The following PLXNC1 variants were observed in gnomAD, a reference collection of about 807,000 sequenced individuals.
PLXNC1 encodes the protein plexin-C1.
A neutral mutation model predicts 178.2 loss-of-function variants in PLXNC1; 75 were observed. That is an observed-to-expected ratio of 0.42 (90% CI 0.35 to 0.51). The LOEUF (loss-of-function observed/expected upper bound fraction) is 0.51. Ranked by LOEUF, PLXNC1 falls within the 20% of genes least tolerant of loss-of-function variation. PLXNC1 has a pLI of 0.02. For missense variants in PLXNC1, 1,503 were observed against 1,984.4 expected, an observed-to-expected ratio of 0.76 and a Z score of 4.61; for synonymous variants, 790 against 779.9, an observed-to-expected ratio of 1.01 and a Z score of -0.22.
At chr12:94,275,431 A>C (rs928599871) in intron 21 of PLXNC1, among the ~76,000 whole-genome samples, 1 of 152,144 alleles carries the variant, frequency 6.6e-6, no homozygotes, top group African/African-American at 2.4e-5. Context: ...CTGTGATGTC[A>C]CGCTGTCTGA....
chr12:94,238,912 A>G (rs1964309032), intron 10 of PLXNC1, among the ~76,000 whole-genome samples: 1 of 152,196 alleles, frequency 6.6e-6, no homozygotes, highest in Non-Finnish European at 1.5e-5. Flanking sequence ...TCTATGCAAC[A>G]TAGGTTTTTT....
intron 2 of PLXNC1, among the ~76,000 whole-genome samples, chr12:94,171,301 C>T (rs775708933): frequency 1.3e-5 from 2 of 152,200 alleles, no homozygotes; most frequent in Admixed American, 6.5e-5. Context: ...CATTCAGAAG[C>T]CACCTGTGTG....
intron 5 of PLXNC1, among the ~76,000 whole-genome samples, chr12:94,216,337 ATAATG>A (rs1208419845): frequency 2.0e-5 from 3 of 152,120 alleles, no homozygotes; most frequent in Non-Finnish European, 4.4e-5. Flanking sequence ...AATATTCATC[ATAATG>A]TAATAACACT....
At chr12:94,252,709 T>C (rs1161268531) in intron 15 of PLXNC1, among the ~76,000 whole-genome samples, 1 of 152,214 alleles carries the variant, frequency 6.6e-6, no homozygotes, top group Non-Finnish European at 1.5e-5. Flanking sequence ...TAGAGCTGAG[T>C]AGCAGCTACG....
intron 28 of PLXNC1, 42 bp from the exon 29 acceptor site, chr12:94,303,711 TTAC>T: frequency 5.1e-6 from 6 of 1,169,798 alleles, no homozygotes; most frequent in East Asian, 3.0e-5. Context: ...TTTTTTTTTT[TTAC>T]TCTTTTGGTG....
chr12:94,240,648 G>C lies in PLXNC1; in HGVS notation c.2284G>C (p.Ala762Pro). The change falls in exon 11 of 31, where the codon GCT becomes CCT. Residue 762 changes from alanine (A) to proline (P), a missense_variant. Physicochemically the swap from Ala to Pro is conservative, Grantham distance 27. Transcript: ENST00000258526. Reference sequence around the variant, plus strand: ...GCCACATTGTTCCCTTATATTTCCTGCTACCACCTGGATCAGGTACTTTCT... The same window carrying C: ...GCCACATTGTTCCCTTATATTTCCTCCTACCACCTGGATCAGGTACTTTCT... ...ALPHCSLIFP[A>P]TTWISGGQNI... is the part of the protein sequence containing the mutation. 1 of 1,611,938 alleles carries C rather than the reference G, an allele frequency of 6.2e-7. No individual in the cohort carries two copies. The highest frequency in any genetic ancestry group is 8.5e-7 in the Non-Finnish European group (1 of 1,178,702).
At chr12:94,245,648 C>T (rs544720255) in intron 12 of PLXNC1, among the ~76,000 whole-genome samples, 13 of 152,298 alleles carry the variant, frequency 8.5e-5, no homozygotes, top group African/African-American at 2.9e-4. Flanking sequence ...AGAAATTAAA[C>T]ATGCATGGGA....
chr12:94,276,853 G>C (rs1346394916), intron 21 of PLXNC1: 1 of 152,136 alleles, frequency 6.6e-6, no homozygotes, highest in East Asian at 1.9e-4. Flanking sequence ...AGAACATAAA[G>C]GTTCTCTGAG....
chr12:94,215,506 A>T (rs894663011), intron 5 of PLXNC1, among the ~76,000 whole-genome samples: 2 of 152,084 alleles, frequency 1.3e-5, no homozygotes, highest in African/African-American at 4.8e-5. Flanking sequence ...TTGGAAAAAA[A>T]AAAGAAGTCA....
intron 9 of PLXNC1, among the ~76,000 whole-genome samples, chr12:94,230,232 A>G (rs1344046264): frequency 6.6e-6 from 1 of 152,212 alleles, no homozygotes; most frequent in Non-Finnish European, 1.5e-5. Context: ...CTTTTAACTC[A>G]ACATAATTCT....
chr12:94,184,631 T>A (rs1426384518), intron 3 of PLXNC1, among the ~76,000 whole-genome samples: 1 of 152,078 alleles, frequency 6.6e-6, no homozygotes, highest in Non-Finnish European at 1.5e-5. Flanking sequence ...CAGACTGGTC[T>A]CCAACTCCAG....
chr12:94,277,791 C>G (rs953362126), intron 21 of PLXNC1: 2 of 369,392 alleles, frequency 5.4e-6, no homozygotes, highest in Non-Finnish European at 1.1e-5. Context: ...ATACTATCAT[C>G]AAGCCTTTCC....
chr12:94,194,838 G>A (rs1962859257), intron 4 of PLXNC1, among the ~76,000 whole-genome samples: 1 of 152,176 alleles, frequency 6.6e-6, no homozygotes, highest in Non-Finnish European at 1.5e-5. Flanking sequence ...CCCAGTGCCT[G>A]GCTCCTGGTA....
chr12:94,172,192 ACT>A (rs1347676497), intron 2 of PLXNC1, among the ~76,000 whole-genome samples: 56 of 152,216 alleles, frequency 3.7e-4, no homozygotes, highest in Non-Finnish European at 1.5e-4. Context: ...AAAAAACAAA[ACT>A]CAACCCAACG....
intron 6 of PLXNC1, among the ~76,000 whole-genome samples, chr12:94,222,503 A>G (rs1022934373): frequency 6.6e-6 from 1 of 152,094 alleles, no homozygotes; most frequent in African/African-American, 2.4e-5. Context: ...CAGCCATTCT[A>G]ACACCCCTTT....
intron 4 of PLXNC1, among the ~76,000 whole-genome samples, chr12:94,203,027 C>T (rs1320995556): frequency 6.6e-6 from 1 of 152,018 alleles, no homozygotes; most frequent in Non-Finnish European, 1.5e-5. Context: ...ATGAGAGGAA[C>T]AGGAAGTGGG....
At chr12:94,285,355 AC>A (rs1189594680) in intron 23 of PLXNC1, among the ~76,000 whole-genome samples, 2 of 152,304 alleles carry the variant, frequency 1.3e-5, no homozygotes, top group East Asian at 3.9e-4. Context: ...GACAGAGAAC[AC>A]CCATCCTTGG....
At chr12:94,289,082 G>A (rs1351687519) in intron 23 of PLXNC1, among the ~76,000 whole-genome samples, 1 of 152,166 alleles carries the variant, frequency 6.6e-6, no homozygotes, top group Non-Finnish European at 1.5e-5. Flanking sequence ...TTAAACATAA[G>A]TTCAACCTTA....
intron 5 of PLXNC1, among the ~76,000 whole-genome samples, chr12:94,218,771 A>C (rs947857810): frequency 6.6e-6 from 1 of 151,944 alleles, no homozygotes; most frequent in Admixed American, 6.6e-5. Flanking sequence ...ACACAAAAAC[A>C]CTCCCTCCAC....
Sources: allele counts gnomAD v4.1 joint callset (sites outside exome capture counted in the v4.1 genomes callset), GRCh38; gene constraint gnomAD v4.1.1; transcripts MANE v1.5; gene names NCBI Gene and HGNC (gene_info 2026-07-23, HGNC 2026-07-21).